Variants in LTBP2 observed in about 807,000 individuals in gnomAD.
LTBP2 encodes the protein latent-transforming growth factor beta-binding protein 2.
In LTBP2, 103 loss-of-function variants were observed where a neutral mutation model predicts 210.6. That is an observed-to-expected ratio of 0.49 (90% CI 0.42 to 0.58). The LOEUF (loss-of-function observed/expected upper bound fraction) is 0.58. LTBP2 is among the 20% of genes least tolerant of loss of function. The pLI, the probability that LTBP2 is intolerant of heterozygous loss-of-function variation, is 0.00. For synonymous variants in LTBP2, 1,007 were observed against 1,015.0 expected, an observed-to-expected ratio of 0.99 and a Z score of 0.15; for missense variants, 2,313 against 2,494.5, an observed-to-expected ratio of 0.93 and a Z score of 1.55.
chr14:74,605,702 G>C (rs1269225479), intron 1 of LTBP2, among the ~76,000 whole-genome samples: 1 of 152,310 alleles, frequency 6.6e-6, no homozygotes, highest in Admixed American at 6.5e-5. Flanking sequence ...ATGGCATGGA[G>C]CCCAGCCCAA....
At chr14:74,540,944 A>ATATTTT (rs1248514534) in intron 8 of LTBP2, among the ~76,000 whole-genome samples, 497 of 24,288 alleles carry the variant, frequency 0.02, 12 homozygotes, top group African/African-American at 0.043. Context: ...ATATATATAT[A>ATATTTT]TTTTTTATAT....
intron 1 of LTBP2, among the ~76,000 whole-genome samples, chr14:74,608,720 AAAAAAAAAG>A (rs1218410101): frequency 1.4e-5 from 2 of 142,864 alleles, no homozygotes; most frequent in African/African-American, 5.3e-5. Context: ...AAAAAGAAAA[AAAAAAAAAG>A]AAAAAAAGAA....
At chr14:74,556,668 C>T (rs2087733331) in intron 3 of LTBP2, among the ~76,000 whole-genome samples, 1 of 152,232 alleles carries the variant, frequency 6.6e-6, no homozygotes, top group Non-Finnish European at 1.5e-5. Flanking sequence ...AGGAGCCCGC[C>T]ACCACTCCTG....
chr14:74,570,948 G>A (rs535112255), intron 3 of LTBP2, among the ~76,000 whole-genome samples: 51 of 152,084 alleles, frequency 3.4e-4, no homozygotes, highest in African/African-American at 6.0e-4. Flanking sequence ...GATAACCCCC[G>A]AGGCAGGGGA....
chr14:74,513,658 C>T (rs2087099405), intron 18 of LTBP2, among the ~76,000 whole-genome samples: 2 of 152,072 alleles, frequency 1.3e-5, no homozygotes. Context: ...CAAAAATTAG[C>T]CGGGTGTGGT....
chr14:74,501,699 G>A, intron 34 of LTBP2, 109 bp from the exon 35 acceptor site: 1 of 1,377,320 alleles, frequency 7.3e-7, no homozygotes, highest in Non-Finnish European at 1.0e-6. Context: ...TGGAACTGTG[G>A]GGGTGGGGGC....
chr14:74,502,036 C>G (rs1248111125), intron 34 of LTBP2: 1 of 291,182 alleles, frequency 3.4e-6, no homozygotes, highest in African/African-American at 2.2e-5. Context: ...TTGACCAGAT[C>G]TACCTAACCC....
At chr14:74,527,578 G>A (rs1300623875) in intron 12 of LTBP2, among the ~76,000 whole-genome samples, 3 of 152,234 alleles carry the variant, frequency 2.0e-5, no homozygotes, top group African/African-American at 7.2e-5. Flanking sequence ...CAGGTCTGGA[G>A]GGCCTGAAGA....
At chr14:74,592,250 C>A (rs2088292621) in intron 2 of LTBP2, among the ~76,000 whole-genome samples, 1 of 152,186 alleles carries the variant, frequency 6.6e-6, no homozygotes, top group South Asian at 2.1e-4. Flanking sequence ...ACGCTGAGGT[C>A]CCAGGAGAGG....
chr14:74,513,960 G>A (rs1195669888), intron 18 of LTBP2, among the ~76,000 whole-genome samples: 6 of 152,244 alleles, frequency 3.9e-5, no homozygotes, highest in African/African-American at 1.2e-4. Context: ...GAATGGGAGG[G>A]GGAGGGCAGA....
At chr14:74,573,839 G>A (rs79903399) in intron 3 of LTBP2, among the ~76,000 whole-genome samples, 2,717 of 152,254 alleles carry the variant, frequency 0.018, 83 homozygotes, top group African/African-American at 0.062. Flanking sequence ...ATTCCTTTGT[G>A]TTATTCTGAC....
At position 74,508,111 on chromosome 14, in the gene LTBP2, C is replaced by G. The variant is rs544035284; in HGVS notation, c.3653-16G>C. The stretch of plus-strand genomic sequence containing the variant: ...TCGTCCACATCTAGAGTAGAGATGG[C>G]TGTCAGCAGACCCAGCCACGGGTCC... On this transcript the variant is annotated splice_polypyrimidine_tract_variant and intron_variant, in intron 24 of 35. Coordinates refer to ENST00000261978, the MANE Select transcript of LTBP2 (RefSeq NM_000428.3). 8.7e-6 allele frequency: 14 copies of G among 1,613,416 alleles called. No individual in the cohort carries two copies. The highest frequency in any genetic ancestry group is 1.7e-5 in the Admixed American group (1 of 60,010).
intron 2 of LTBP2, among the ~76,000 whole-genome samples, chr14:74,595,865 A>G (rs2088353072): frequency 6.6e-6 from 1 of 152,162 alleles, no homozygotes; most frequent in Non-Finnish European, 1.5e-5. Flanking sequence ...TGGGGCTTAC[A>G]ATTTAGTCAG....
chr14:74,501,635 C>T (rs2086912691), intron 34 of LTBP2, 45 bp from the exon 35 acceptor site: 1 of 1,612,014 alleles, frequency 6.2e-7, no homozygotes, highest in East Asian at 2.2e-5. Flanking sequence ...AGGGCTGTGT[C>T]CAGACTCTCC....
At chr14:74,507,663 C>T (rs952868725) in intron 25 of LTBP2, among the ~76,000 whole-genome samples, 18 of 152,204 alleles carry the variant, frequency 1.2e-4, no homozygotes, top group Non-Finnish European at 2.2e-4. Context: ...TATCTGTCTC[C>T]CTTGCTTTCA....
chr14:74,609,249 C>A (rs1238581367), intron 1 of LTBP2, among the ~76,000 whole-genome samples: 1 of 152,182 alleles, frequency 6.6e-6, no homozygotes, highest in African/African-American at 2.4e-5. Flanking sequence ...CACTCTTTAT[C>A]AAAGCTGCAG....
rs2088615620 is a variant in LTBP2 at position 74,611,770 on chromosome 14, T to C, written c.175A>G (p.Ser59Gly). ...TTGGCTGCAGCCGCTGCCGGGTAGC[T>C]GCCCCCAGGGCGCCGCAGTCGATTC... ...DANRLRRPGGSYPAAAAAKVY... is the reference protein window; with the variant it reads ...DANRLRRPGGGYPAAAAAKVY... Residue 59 changes from serine to glycine, a missense_variant, in exon 1 of 36, where the codon AGC (serine) becomes GGC (glycine). By Grantham distance (56) the Ser-to-Gly change is moderately conservative (BLOSUM62 0). Coordinates refer to ENST00000261978, the MANE Select transcript of LTBP2 (RefSeq NM_000428.3). 9.3e-6 allele frequency: 15 copies of C among 1,609,314 alleles called. No homozygotes were observed. The highest frequency in any genetic ancestry group is 1.3e-5 in the African/African-American group (1 of 74,902).
intron 4 of LTBP2, 88 bp from the exon 5 acceptor site, chr14:74,553,150 A>C: frequency 7.7e-7 from 1 of 1,298,486 alleles, no homozygotes; most frequent in Non-Finnish European, 1.1e-6. Flanking sequence ...CCATGGGACT[A>C]GGGCTGCATT....
rs556944993 is a variant in LTBP2 at position 74,609,055 on chromosome 14, C to T, written c.494+2396G>A. ...GTAGCAGTGGTGCAGTTCCAAGATT[C>T]ACCAGGAGGTGGCACTTGGTCCCTG... On this transcript the variant is annotated intron_variant, in intron 1 of 35. Coordinates refer to ENST00000261978, the MANE Select transcript of LTBP2 (RefSeq NM_000428.3). 5.3e-5 allele frequency among the ~76,000 whole-genome samples: 8 copies of T among 152,340 alleles called. No individual in the cohort carries two copies. In the East Asian group the frequency reaches 1.2e-3, roughly 22 times the overall value.
Sources: allele counts gnomAD v4.1 joint callset (sites outside exome capture counted in the v4.1 genomes callset), GRCh38; gene constraint gnomAD v4.1.1; transcripts MANE v1.5; gene names NCBI Gene and HGNC (gene_info 2026-07-23, HGNC 2026-07-21).